The following PDS5A variants were observed in gnomAD, a reference collection of about 807,000 sequenced individuals.
PDS5A encodes the protein sister chromatid cohesion protein PDS5 homolog A.
Under a neutral mutation model 167.1 loss-of-function variants are expected in PDS5A, and 42 were observed. The ratio of observed to expected loss-of-function variants is 0.25; its 90% CI spans 0.20 to 0.33. The LOEUF (loss-of-function observed/expected upper bound fraction) is 0.33, where lower values mean the gene tolerates loss of function less well. PDS5A is among the 10% of genes least tolerant of loss of function. The pLI is 1.00. For synonymous variants in PDS5A, 553 were observed against 554.6 expected (o/e 1.00, Z 0.04); for missense variants, 1,033 against 1,605.9 (o/e 0.64, Z 6.10).
chr4:39,930,510 C>CTATTT (rs1725962653), intron 2 of PDS5A, among the ~76,000 whole-genome samples: 1 of 151,930 alleles, frequency 6.6e-6, no homozygotes, highest in Non-Finnish European at 1.5e-5. Flanking sequence ...TCTAATTTTA[C>CTATTT]TATTTTAGTC....
At chr4:39,914,906 G>A (rs1240640408) in intron 8 of PDS5A, among the ~76,000 whole-genome samples, 2 of 152,080 alleles carry the variant, frequency 1.3e-5, no homozygotes, top group South Asian at 2.1e-4. Flanking sequence ...AAAGACCACA[G>A]GATAAAATCC....
intron 26 of PDS5A, among the ~76,000 whole-genome samples, chr4:39,850,088 T>C (rs1560425672): frequency 6.6e-6 from 1 of 151,946 alleles, no homozygotes; most frequent in Non-Finnish European, 1.5e-5. Flanking sequence ...CTGGCTAACA[T>C]GGTGAAACCC....
chr4:39,862,070 C>T lies in PDS5A; in HGVS notation c.3086+149G>A, dbSNP rs557138271. 9.4e-5 allele frequency: 35 copies of T among 370,450 alleles called. No individual in the cohort carries two copies. The South Asian group carries it at 2.4e-3, about 26-fold the overall frequency. The allele number at this position is 370,450 out of a possible 1,614,324, so 22.9% of individuals were successfully genotyped here. A position where few individuals can be genotyped will look rare whatever the true frequency, so the allele number is the denominator to read the frequency against. ...GGTAGATGGGAAAATTTTTGAAAGA[C>T]GAAACTGGAAATTTATAATAAATGA... On this transcript the variant is annotated intron_variant, in intron 26 of 32. Coordinates refer to ENST00000303538, the MANE Select transcript of PDS5A (RefSeq NM_001100399.2).
At chr4:39,973,831 A>T in intron 2 of PDS5A, 2 of 1,101,214 alleles carry the variant, frequency 1.8e-6, no homozygotes, top group Non-Finnish European at 1.4e-6. Context: ...ACAGACTCAG[A>T]ACCGTGCTGC....
At position 39,908,524 on chromosome 4, in the gene PDS5A, T is replaced by C. The variant is rs1329178505; in HGVS notation, c.1104A>G (p.Arg368=). 6.3e-7 allele frequency: 1 copy of C among 1,584,368 alleles called. No homozygotes were observed. Among genetic ancestry groups the C allele is most frequent in the Non-Finnish European group, 8.7e-7 (1 of 1,155,966 alleles). The stretch of plus-strand genomic sequence containing the variant: ...GAATAGCTTCTTCTGGATCATGTGA[T>C]CTAACCTTTAAATATTCTGTAATAA... ...AKDLTEYLKV[R]SHDPEEAIRH... is the part of the protein sequence containing the mutation. Residue 368 remains arginine, a synonymous_variant, in exon 11 of 33, where the codon AGA becomes AGG. Transcript: ENST00000303538.
In PDS5A at chr4:39,861,507, T is replaced by C. The variant is rs1183985959; in HGVS notation, c.3086+712A>G. 3.3e-5 allele frequency among the ~76,000 whole-genome samples: 5 copies of C among 152,302 alleles called. No individual in the cohort carries two copies. The South Asian group carries it at 8.3e-4, about 25-fold the overall frequency. On this transcript the variant is annotated intron_variant, in intron 26 of 32. Transcript: ENST00000303538. ...TGGTTAATGGGTACAAAAATACACT[T>C]AGATACAAGGAATAAGTTCTGACAT...
chr4:39,885,169 C>T (rs1359562747), intron 17 of PDS5A, among the ~76,000 whole-genome samples: 5 of 148,528 alleles, frequency 3.4e-5, no homozygotes, highest in Non-Finnish European at 7.4e-5. Flanking sequence ...AGGCCGAACC[C>T]GGGAGGCAGA....
At chr4:39,864,793 T>C (rs1375219261) in intron 23 of PDS5A, among the ~76,000 whole-genome samples, 1 of 152,204 alleles carries the variant, frequency 6.6e-6, no homozygotes, top group Admixed American at 6.5e-5. Context: ...TTATCTCAAT[T>C]AATTTTCACT....
At chr4:39,907,118 G>GA (rs947308992) in intron 11 of PDS5A, among the ~76,000 whole-genome samples, 9 of 152,054 alleles carry the variant, frequency 5.9e-5, no homozygotes, top group Admixed American at 2.0e-4. Context: ...CTGAAACTAT[G>GA]AAAAAACTGT....
intron 17 of PDS5A, among the ~76,000 whole-genome samples, chr4:39,887,546 G>C (rs1015839585): frequency 3.3e-5 from 5 of 152,028 alleles, no homozygotes; most frequent in African/African-American, 1.2e-4. Context: ...ATGTTCATCA[G>C]TGATAGACCC....
At chr4:39,842,384 C>T (rs1717107304) in intron 30 of PDS5A, among the ~76,000 whole-genome samples, 1 of 152,036 alleles carries the variant, frequency 6.6e-6, no homozygotes, top group Non-Finnish European at 1.5e-5. Context: ...ATAGAAAATC[C>T]TAAAACAAAA....
chr4:39,911,519 A>G lies in PDS5A; in HGVS notation c.993-1181T>C, dbSNP rs188674940. ...ACGTTAAGAATTCAATTAACATACA[A>G]CACAATATGTAGACTCAAAAATGCA... On this transcript the variant is annotated intron_variant, in intron 9 of 32. Transcript: ENST00000303538. Among the ~76,000 whole-genome samples, 3 of 152,260 alleles carry G rather than the reference A, an allele frequency of 2.0e-5. No individual in the cohort carries two copies. The East Asian group carries it at 5.8e-4, about 29-fold the overall frequency.
chr4:39,949,422 G>T (rs932679392), intron 2 of PDS5A, among the ~76,000 whole-genome samples: 1 of 151,872 alleles, frequency 6.6e-6, no homozygotes, highest in Non-Finnish European at 1.5e-5. Flanking sequence ...TGTCCAGATC[G>T]GGGAAATGTA....
chr4:39,896,466 TC>T (rs1722423582), intron 16 of PDS5A, among the ~76,000 whole-genome samples: 1 of 151,760 alleles, frequency 6.6e-6, no homozygotes, highest in South Asian at 2.1e-4. Flanking sequence ...ACTAGCTTCT[TC>T]CTATTAAAAA....
chr4:39,932,002 C>T (rs939129064), intron 2 of PDS5A, among the ~76,000 whole-genome samples: 2 of 151,408 alleles, frequency 1.3e-5, no homozygotes, highest in African/African-American at 4.9e-5. Context: ...AGGGATTCTT[C>T]TGCCTCAGCC....
chr4:39,926,311 C>T (rs1044443419), intron 4 of PDS5A, among the ~76,000 whole-genome samples: 3 of 151,976 alleles, frequency 2.0e-5, no homozygotes, highest in African/African-American at 7.2e-5. Flanking sequence ...CACCTGAGGT[C>T]AGGAGTTTGA....
intron 11 of PDS5A, among the ~76,000 whole-genome samples, chr4:39,907,575 G>GTTTTC (rs959702998): frequency 7.6e-6 from 1 of 131,788 alleles, no homozygotes; most frequent in African/African-American, 2.5e-5. Flanking sequence ...AACAATCCAT[G>GTTTTC]TTTTCTTTTC....
At position 39,910,622 on chromosome 4, in the gene PDS5A, G is replaced by A. The variant is rs192807175; in HGVS notation, c.993-284C>T. On this transcript the variant is annotated intron_variant, in intron 9 of 32. Transcript: ENST00000303538. ...CTTCAACCCAAACTATACACTTTATGGAGTTAAAATCTGAGAGCTTAATAT... is the reference window on the plus strand; with the variant it reads ...CTTCAACCCAAACTATACACTTTATAGAGTTAAAATCTGAGAGCTTAATAT... Among the ~76,000 whole-genome samples, 5 of 152,260 alleles carry A rather than the reference G, an allele frequency of 3.3e-5. No individual in the cohort carries two copies. In the East Asian group the frequency reaches 9.7e-4, roughly 29 times the overall value.
intron 32 of PDS5A, among the ~76,000 whole-genome samples, chr4:39,836,354 G>C (rs980996165): frequency 1.3e-5 from 2 of 152,198 alleles, no homozygotes; most frequent in Non-Finnish European, 2.9e-5. Flanking sequence ...GATGCCATGA[G>C]AGGATGTGAA....
Sources: gnomAD v4.1 joint callset for allele counts (sites outside exome capture counted in the v4.1 genomes callset) on GRCh38, gnomAD v4.1.1 for gene constraint, MANE v1.5 for transcripts, NCBI Gene and HGNC (gene_info 2026-07-23, HGNC 2026-07-21) for gene names.